SCHIP1: variants seen among roughly 807,000 people sequenced by gnomAD.
SCHIP1 encodes schwannomin-interacting protein 1.
A neutral mutation model predicts 29.7 loss-of-function variants in SCHIP1; 8 were observed. The observed-to-expected ratio is 0.27, with a 90% confidence interval of 0.16 to 0.49. The LOEUF (loss-of-function observed/expected upper bound fraction) is 0.49. SCHIP1 is among the 20% of genes least tolerant of loss of function. The probability of loss-of-function intolerance (pLI) is 0.99; values close to 1 mark genes in which losing one functional copy is unlikely to be tolerated. For synonymous variants in SCHIP1, 76 were observed against 94.9 expected (o/e 0.80, Z 1.16); for missense variants, 193 against 294.6 (o/e 0.66, Z 2.52).
At chr3:159,733,528 T>C in the SCHIP1 span, among the ~76,000 whole-genome samples, 1 of 152,160 alleles carries the variant, frequency 6.6e-6, no homozygotes, top group Non-Finnish European at 1.5e-5. Context: ...GGGTCCTCTT[T>C]CCTCCTAGTT....
the SCHIP1 span, among the ~76,000 whole-genome samples, chr3:159,453,084 A>G: frequency 0.026 from 3,909 of 152,294 alleles, 148 homozygotes; most frequent in African/African-American, 0.085. Context: ...AGGATCCACC[A>G]GTCAGTAGCT....
chr3:159,809,078 C>T, the SCHIP1 span, among the ~76,000 whole-genome samples: 2 of 147,060 alleles, frequency 1.4e-5, no homozygotes, highest in African/African-American at 5.1e-5. Context: ...TGTTGCTTTT[C>T]TGCATCCATC....
the SCHIP1 span, among the ~76,000 whole-genome samples, chr3:159,824,270 T>G: frequency 6.6e-6 from 1 of 152,228 alleles, no homozygotes; most frequent in Non-Finnish European, 1.5e-5. Flanking sequence ...CTTTAGAGCA[T>G]TTCTTACCTG....
chr3:159,543,798 C>T, the SCHIP1 span, among the ~76,000 whole-genome samples: 2 of 152,248 alleles, frequency 1.3e-5, no homozygotes, highest in South Asian at 4.1e-4. Flanking sequence ...GCCACACTGA[C>T]TTCCACAATG....
At chr3:159,406,792 C>T in the SCHIP1 span, among the ~76,000 whole-genome samples, 1 of 152,092 alleles carries the variant, frequency 6.6e-6, no homozygotes, top group Non-Finnish European at 1.5e-5. Context: ...ACTTTGCTTG[C>T]TTGTTTGTTT....
the SCHIP1 span, among the ~76,000 whole-genome samples, chr3:159,662,365 A>C: frequency 6.6e-6 from 1 of 152,210 alleles, no homozygotes; most frequent in East Asian, 1.9e-4. Flanking sequence ...TGAGAAAATT[A>C]AATTTACGTT....
At chr3:159,633,020 CCTT>C in the SCHIP1 span, among the ~76,000 whole-genome samples, 2 of 152,196 alleles carry the variant, frequency 1.3e-5, no homozygotes, top group South Asian at 4.1e-4. Flanking sequence ...ACAGTGAAAA[CCTT>C]CTCCTAGGTC....
the SCHIP1 span, among the ~76,000 whole-genome samples, chr3:159,577,698 T>C: frequency 6.6e-6 from 1 of 152,180 alleles, no homozygotes; most frequent in South Asian, 2.1e-4. Context: ...AATAGACTCA[T>C]TCACCATTTT....
the SCHIP1 span, among the ~76,000 whole-genome samples, chr3:159,806,824 A>T: frequency 6.6e-6 from 1 of 152,186 alleles, no homozygotes; most frequent in Non-Finnish European, 1.5e-5. Flanking sequence ...TTCACAGAGG[A>T]GGAGAAAAAT....
the SCHIP1 span, among the ~76,000 whole-genome samples, chr3:159,518,135 A>G: frequency 3.9e-5 from 6 of 152,176 alleles, no homozygotes; most frequent in Non-Finnish European, 7.4e-5. Context: ...AATAAGTTGC[A>G]GACGGATATA....
the SCHIP1 span, chr3:159,274,909 C>A: frequency 1.2e-6 from 1 of 829,204 alleles, no homozygotes; most frequent in Non-Finnish European, 1.5e-6. Context: ...ATTTAAAAAC[C>A]AGTAGTAAAT....
the SCHIP1 span, among the ~76,000 whole-genome samples, chr3:159,561,913 T>G: frequency 6.6e-6 from 1 of 152,190 alleles, no homozygotes; most frequent in African/African-American, 2.4e-5. Context: ...GTTTTACCTT[T>G]CCCAGTAATT....
chr3:159,714,380 CGGACAGTGGGTGCA>C, the SCHIP1 span, among the ~76,000 whole-genome samples: 2 of 152,172 alleles, frequency 1.3e-5, no homozygotes, highest in South Asian at 2.1e-4. Flanking sequence ...TGGGGCTTGT[CGGACAGTGGGTGCA>C]GGACAGTGGG....
chr3:159,853,234 G>A (rs940049972), intron 1 of SCHIP1: 1 of 507,160 alleles, frequency 2.0e-6, no homozygotes, highest in Non-Finnish European at 3.5e-6. Flanking sequence ...ACAGAGTGGG[G>A]CAAGAACACA....
the SCHIP1 span, among the ~76,000 whole-genome samples, chr3:159,324,413 C>T: frequency 6.6e-6 from 1 of 151,936 alleles, no homozygotes; most frequent in African/African-American, 2.4e-5. Context: ...TAAATCTTTG[C>T]CTGTCTGATA....
At chr3:159,776,601 G>A in the SCHIP1 span, among the ~76,000 whole-genome samples, 8 of 152,222 alleles carry the variant, frequency 5.3e-5, no homozygotes, top group South Asian at 2.1e-4. Flanking sequence ...ATAAGAGCTC[G>A]TTCTAGAAGA....
intron 2 of SCHIP1, among the ~76,000 whole-genome samples, chr3:159,869,055 A>G (rs938283367): frequency 1.3e-5 from 2 of 152,014 alleles, no homozygotes; most frequent in Admixed American, 1.3e-4. Flanking sequence ...TCTGTGAAAT[A>G]TCTGTTTGGG....
chr3:159,343,203 G>A, the SCHIP1 span, among the ~76,000 whole-genome samples: 1 of 152,112 alleles, frequency 6.6e-6, no homozygotes, highest in African/African-American at 2.4e-5. Context: ...TGCATAGCAA[G>A]GGTTTAAACT....
the SCHIP1 span, among the ~76,000 whole-genome samples, chr3:159,357,618 G>T: frequency 6.6e-6 from 1 of 152,112 alleles, no homozygotes; most frequent in Non-Finnish European, 1.5e-5. Flanking sequence ...CTGAAACAAA[G>T]GTCCTTTATT....
Sources: allele counts gnomAD v4.1 joint callset (sites outside exome capture counted in the v4.1 genomes callset), GRCh38; gene constraint gnomAD v4.1.1; transcripts MANE v1.5; gene names NCBI Gene and HGNC (gene_info 2026-07-23, HGNC 2026-07-21).